The following SLC35F3 variants were observed in gnomAD, a reference collection of about 807,000 sequenced individuals.
The protein encoded by SLC35F3 is putative thiamine transporter SLC35F3.
A neutral mutation model predicts 49.9 loss-of-function variants in SLC35F3; 25 were observed. That is an observed-to-expected ratio of 0.50 (90% CI 0.37 to 0.70). The LOEUF is 0.70. Ranked by LOEUF, SLC35F3 falls within the 30% of genes least tolerant of loss-of-function variation. The pLI, the probability that SLC35F3 is intolerant of heterozygous loss-of-function variation, is 0.00. For missense variants in SLC35F3, 525 were observed against 639.8 expected (o/e 0.82, Z 1.94); for synonymous variants, 275 against 265.4 (o/e 1.04, Z -0.35).
chr1:234,159,016 A>AT (rs942828157), intron 2 of SLC35F3, among the ~76,000 whole-genome samples: 6 of 152,046 alleles, frequency 3.9e-5, no homozygotes, highest in African/African-American at 9.7e-5. Context: ...ATGTTTCACT[A>AT]TTTTTTTAAT....
At chr1:234,153,944 T>G (rs1031250137) in intron 2 of SLC35F3, among the ~76,000 whole-genome samples, 3 of 151,944 alleles carry the variant, frequency 2.0e-5, no homozygotes, top group African/African-American at 7.3e-5. Flanking sequence ...GCGCCTGTAG[T>G]CCCAGGTACT....
intron 2 of SLC35F3, among the ~76,000 whole-genome samples, chr1:233,976,167 T>C (rs1273023650): frequency 1.3e-5 from 2 of 152,186 alleles, no homozygotes; most frequent in African/African-American, 2.4e-5. Flanking sequence ...TGGCACAATG[T>C]TTTTTAAGTA....
chr1:233,913,520 G>A (rs948881157), intron 2 of SLC35F3, among the ~76,000 whole-genome samples: 3 of 152,188 alleles, frequency 2.0e-5, no homozygotes, highest in Non-Finnish European at 4.4e-5. Context: ...GCTTGTTATT[G>A]TGTCTCCACC....
chr1:234,130,377 A>G (rs1197413140), intron 2 of SLC35F3, among the ~76,000 whole-genome samples: 7 of 151,882 alleles, frequency 4.6e-5, no homozygotes, highest in Non-Finnish European at 8.8e-5. Context: ...GCAGTGGCTC[A>G]TGCCTGTAAT....
At chr1:234,206,520 C>A (rs1424553615) in intron 2 of SLC35F3, among the ~76,000 whole-genome samples, 1 of 151,760 alleles carries the variant, frequency 6.6e-6, no homozygotes, top group Non-Finnish European at 1.5e-5. Flanking sequence ...ATTTCCAGGG[C>A]TCACATTGCC....
chr1:234,110,262 T>C (rs1287644981), intron 2 of SLC35F3, among the ~76,000 whole-genome samples: 1 of 152,078 alleles, frequency 6.6e-6, no homozygotes, highest in Non-Finnish European at 1.5e-5. Flanking sequence ...GAGTTAGTGG[T>C]TGTGGAAATA....
chr1:233,962,316 T>C (rs1662817889), intron 2 of SLC35F3, among the ~76,000 whole-genome samples: 1 of 152,256 alleles, frequency 6.6e-6, no homozygotes, highest in Non-Finnish European at 1.5e-5. Context: ...TTGCAATGTA[T>C]ATACTTATCA....
At chr1:234,228,671 AGTGT>A (rs140387460) in intron 2 of SLC35F3, among the ~76,000 whole-genome samples, 2 of 151,800 alleles carry the variant, frequency 1.3e-5, no homozygotes, top group South Asian at 4.2e-4. Context: ...CCAATTTTTC[AGTGT>A]GTGTGTGTGG....
At chr1:234,302,619 C>G (rs148533686) in intron 3 of SLC35F3, among the ~76,000 whole-genome samples, 13 of 152,134 alleles carry the variant, frequency 8.5e-5, no homozygotes, top group African/African-American at 3.1e-4. Flanking sequence ...GAAATGGGTA[C>G]GGGAAAAAGA....
chr1:234,202,338 G>A (rs1007831537), intron 2 of SLC35F3, among the ~76,000 whole-genome samples: 1 of 152,142 alleles, frequency 6.6e-6, no homozygotes, highest in African/African-American at 2.4e-5. Context: ...GTTTTAAACA[G>A]TGGCAAAGAA....
chr1:233,977,509 A>G (rs1369963973), intron 2 of SLC35F3, among the ~76,000 whole-genome samples: 1 of 152,210 alleles, frequency 6.6e-6, no homozygotes, highest in African/African-American at 2.4e-5. Flanking sequence ...AGCTGCACGT[A>G]CAACAGTGGC....
chr1:234,131,530 T>A (rs1291630844), intron 2 of SLC35F3, among the ~76,000 whole-genome samples: 2 of 152,170 alleles, frequency 1.3e-5, no homozygotes, highest in Admixed American at 1.3e-4. Context: ...TGTTGCTGAA[T>A]AACTTAAGCC....
At chr1:234,043,178 C>T (rs141601015) in intron 2 of SLC35F3, among the ~76,000 whole-genome samples, 4 of 152,326 alleles carry the variant, frequency 2.6e-5, no homozygotes, top group African/African-American at 7.2e-5. Context: ...TCCTCCCCCT[C>T]CTCAGAGTGA....
At chr1:234,247,703 G>C (rs1667657652) in intron 3 of SLC35F3, among the ~76,000 whole-genome samples, 1 of 151,740 alleles carries the variant, frequency 6.6e-6, no homozygotes, top group South Asian at 2.1e-4. Flanking sequence ...CCATTGTTCA[G>C]TGGGTTGGTT....
intron 3 of SLC35F3, among the ~76,000 whole-genome samples, chr1:234,275,675 C>A (rs1668195607): frequency 1.3e-5 from 2 of 151,310 alleles, no homozygotes; most frequent in Non-Finnish European, 2.9e-5. Flanking sequence ...AGGTCCTGAC[C>A]TCAGATAGTC....
intron 2 of SLC35F3, among the ~76,000 whole-genome samples, chr1:234,179,551 C>A (rs1480508231): frequency 1.3e-5 from 2 of 152,152 alleles, no homozygotes; most frequent in African/African-American, 4.8e-5. Context: ...TTTATCATTT[C>A]TTTGTGTTGG....
In SLC35F3 at chr1:234,108,680, ATT is replaced by A. The variant is rs946381482; in HGVS notation, c.284-122733_284-122732del. 2.4e-4 allele frequency among the ~76,000 whole-genome samples: 23 copies of A among 95,638 alleles called. 1 individual carries two copies. The East Asian group carries it at 0.11, about 467-fold the overall frequency. The allele number at this position is 95,638 out of a possible 152,430, so 62.7% of individuals were successfully genotyped here. The stretch of plus-strand genomic sequence containing the variant: ...ATTTATATATATAAAAGATATATAT[ATT>A]TTTATATATAAAATATATATTATAT... On this transcript the variant is annotated intron_variant, in intron 2 of 7. Transcript: ENST00000366618.
intron 2 of SLC35F3, among the ~76,000 whole-genome samples, chr1:234,178,661 G>T (rs1049371733): frequency 1.3e-5 from 2 of 149,730 alleles, no homozygotes; most frequent in Non-Finnish European, 3.0e-5. Context: ...TTACATTATG[G>T]TTCAGTCTTG....
At chr1:234,229,496 C>T (rs987008917) in intron 2 of SLC35F3, among the ~76,000 whole-genome samples, 8 of 152,236 alleles carry the variant, frequency 5.3e-5, no homozygotes, top group Non-Finnish European at 1.0e-4. Context: ...TGCAGCATCA[C>T]TGCCTAGTTT....
Sources: gnomAD v4.1 joint callset for allele counts (sites outside exome capture counted in the v4.1 genomes callset) on GRCh38, gnomAD v4.1.1 for gene constraint, MANE v1.5 for transcripts, NCBI Gene and HGNC (gene_info 2026-07-23, HGNC 2026-07-21) for gene names.